The following ANKRD26 variants were observed in gnomAD, a reference collection of about 807,000 sequenced individuals.
ANKRD26 encodes the protein ankyrin repeat domain-containing protein 26.
ANKRD26 carries 141 observed loss-of-function variants against 208.7 expected under a neutral mutation model. That is an observed-to-expected ratio of 0.68 (90% CI 0.59 to 0.78). The LOEUF (loss-of-function observed/expected upper bound fraction) is 0.78. ANKRD26 is among the 30% of genes least tolerant of loss of function. The probability of loss-of-function intolerance (pLI) is 0.00; values close to 1 mark genes in which losing one functional copy is unlikely to be tolerated. For missense variants in ANKRD26, 1,889 were observed against 1,938.7 expected (o/e 0.97, Z 0.48); for synonymous variants, 636 against 660.4 (o/e 0.96, Z 0.57).
chr10:26,992,465 C>T (rs2052503933), intron 5 of ANKRD26, among the ~76,000 whole-genome samples: 1 of 123,300 alleles, frequency 8.1e-6, no homozygotes, highest in African/African-American at 3.8e-5. Flanking sequence ...AAAATACACA[C>T]ACGTACACAC....
At chr10:26,962,581 T>C in the ANKRD26 span, among the ~76,000 whole-genome samples, 1 of 151,174 alleles carries the variant, frequency 6.6e-6, no homozygotes. Context: ...CTTAAATCAA[T>C]CAATTAATAA....
downstream of ANKRD26, among the ~76,000 whole-genome samples, chr10:26,987,064 A>C (rs1291045800): frequency 6.6e-6 from 1 of 152,230 alleles, no homozygotes; most frequent in African/African-American, 2.4e-5. Context: ...GATTAAGAAA[A>C]TGTGGCACAT....
At chr10:26,988,520 G>A (rs2052427358), downstream of ANKRD26, among the ~76,000 whole-genome samples, 2 of 152,098 alleles carry the variant, frequency 1.3e-5, no homozygotes, top group South Asian at 4.1e-4. Context: ...AAAAATAAGT[G>A]GGACTTTCCA....
chr10:26,981,480 C>T (rs907430980), intron 4 of ANKRD26, among the ~76,000 whole-genome samples: 5 of 152,082 alleles, frequency 3.3e-5, no homozygotes, highest in South Asian at 4.1e-4. Context: ...GACTTATTTG[C>T]GCAGTAGGGC....
At chr10:27,061,797 T>A (rs1413752563) in intron 12 of ANKRD26, 1 of 305,654 alleles carries the variant, frequency 3.3e-6, no homozygotes, top group East Asian at 1.7e-4. Context: ...ACTCCTGGGC[T>A]CCAGCAACCC....
intron 5 of ANKRD26, among the ~76,000 whole-genome samples, chr10:27,084,227 A>AC (rs2056033242): frequency 2.7e-5 from 4 of 145,660 alleles, no homozygotes; most frequent in Admixed American, 6.9e-5. Flanking sequence ...TCAAAAAAAA[A>AC]AAAAAAAAGA....
downstream of ANKRD26, among the ~76,000 whole-genome samples, chr10:26,970,438 G>A (rs977966922): frequency 2.0e-5 from 3 of 152,084 alleles, no homozygotes; most frequent in African/African-American, 7.2e-5. Context: ...AGATCTAGCT[G>A]TTTGAAAATA....
At chr10:26,986,790 G>A (rs1177479981) in intron 3 of ANKRD26, among the ~76,000 whole-genome samples, 1 of 152,256 alleles carries the variant, frequency 6.6e-6, no homozygotes, top group African/African-American at 2.4e-5. Context: ...GCAGGTGCTG[G>A]AGAGGATGTG....
chr10:27,058,014 A>AG (rs1269752964), intron 15 of ANKRD26, among the ~76,000 whole-genome samples: 1 of 152,168 alleles, frequency 6.6e-6, no homozygotes, highest in Non-Finnish European at 1.5e-5. Flanking sequence ...AAATAAATCT[A>AG]GGTGCACACT....
At chr10:27,049,436 A>G (rs1360373130) in intron 16 of ANKRD26, among the ~76,000 whole-genome samples, 1 of 152,114 alleles carries the variant, frequency 6.6e-6, no homozygotes, top group Non-Finnish European at 1.5e-5. Context: ...CTGCACTAAG[A>G]TATTCTTTTC....
intron 32 of ANKRD26, 67 bp from the exon 33 acceptor site, chr10:27,007,029 T>C: frequency 8.3e-7 from 1 of 1,208,404 alleles, no homozygotes. Context: ...AGAAATGATG[T>C]ATCACTTACA....
chr10:26,997,188 T>C (rs1304631747), intron 4 of ANKRD26, among the ~76,000 whole-genome samples: 6 of 152,110 alleles, frequency 3.9e-5, no homozygotes, highest in African/African-American at 1.4e-4. Flanking sequence ...CCTTGGTTGG[T>C]AGGGCACCAA....
At chr10:26,995,894 T>C (rs892071319) in intron 4 of ANKRD26, among the ~76,000 whole-genome samples, 11 of 152,178 alleles carry the variant, frequency 7.2e-5, no homozygotes. Context: ...GTCCTCTAAA[T>C]CGGCCTTTAA....
intron 23 of ANKRD26, among the ~76,000 whole-genome samples, chr10:27,036,558 C>T (rs1334071516): frequency 6.6e-6 from 1 of 152,050 alleles, no homozygotes; most frequent in Non-Finnish European, 1.5e-5. Flanking sequence ...TTTGTTTCCT[C>T]TTCATAATGT....
At chr10:26,981,787 G>C (rs1170859519) in intron 4 of ANKRD26, among the ~76,000 whole-genome samples, 4 of 152,114 alleles carry the variant, frequency 2.6e-5, no homozygotes, top group Non-Finnish European at 5.9e-5. Flanking sequence ...AGACCCAATG[G>C]GTTCTGCTTG....
At chr10:27,082,929 T>A in intron 5 of ANKRD26, 96 bp from the exon 6 acceptor site, 1 of 1,443,326 alleles carries the variant, frequency 6.9e-7, no homozygotes, top group Non-Finnish European at 9.4e-7. Context: ...AAAGTATCCC[T>A]CTGGGACCAT....
At chr10:27,031,073 G>C (rs911456361) in intron 25 of ANKRD26, among the ~76,000 whole-genome samples, 1 of 152,178 alleles carries the variant, frequency 6.6e-6, no homozygotes, top group African/African-American at 2.4e-5. Context: ...GAAAGCTTCC[G>C]AAAGGAGGGG....
At chr10:27,031,157 C>A (rs4747581) in intron 25 of ANKRD26, among the ~76,000 whole-genome samples, 30,429 of 152,060 alleles carry the variant, frequency 0.2, 3,644 homozygotes, top group East Asian at 0.56. Flanking sequence ...CAGCAGGAGT[C>A]AAGCAGAGAG....
At chr10:27,032,970 G>C (rs1056845061) in intron 25 of ANKRD26, among the ~76,000 whole-genome samples, 1 of 151,414 alleles carries the variant, frequency 6.6e-6, no homozygotes, top group Non-Finnish European at 1.5e-5. Flanking sequence ...AGCTACTCGG[G>C]AGGCTGAGGC....
Sources: gnomAD v4.1 joint callset for allele counts (sites outside exome capture counted in the v4.1 genomes callset) on GRCh38, gnomAD v4.1.1 for gene constraint, MANE v1.5 for transcripts, NCBI Gene and HGNC (gene_info 2026-07-23, HGNC 2026-07-21) for gene names.